Variants in NRXN1 observed in about 807,000 individuals in gnomAD.
The protein encoded by NRXN1 is neurexin 1, also known as neurexin-1.
A neutral mutation model predicts 150.9 loss-of-function variants in NRXN1; 39 were observed. That is an observed-to-expected ratio of 0.26 (90% confidence interval 0.20 to 0.34). NRXN1 has a LOEUF of 0.34. Among genes scored for constraint, NRXN1 ranks in the 10% least tolerant of loss-of-function variants. NRXN1 has a pLI of 1.00. For missense variants in NRXN1, 1,815 were observed against 1,949.9 expected (o/e 0.93, Z 1.30); for synonymous variants, 924 against 757.0 (o/e 1.22, Z -3.62).
rs374420794 is a variant in NRXN1, at chr2:50,884,017, A to G, written c.832+37852T>C. On this transcript the variant is annotated intron_variant, in intron 5 of 22. Coordinates refer to ENST00000401669, the MANE Select transcript of NRXN1 (RefSeq NM_001330078.2). ...CACATGTGTGCACTGAGTTTGTGAA[A>G]ATTCATTTATCTGTATTCTTAGTAT... Among the ~76,000 whole-genome samples the G allele has an allele frequency of 3.0e-4, 45 of 151,934 alleles. No homozygotes were observed. In the South Asian group the frequency reaches 9.1e-3, roughly 31 times the overall value.
In NRXN1 at chr2:50,091,433, G is replaced by A. The variant is rs756194214; in HGVS notation, c.3608C>T (p.Ser1203Phe). ...TTTCCCATCATTAATGATTGCATTGGATTCTTCAATGGCGATGTCATCTGT... is the reference window on the plus strand; with the variant it reads ...TTTCCCATCATTAATGATTGCATTGAATTCTTCAATGGCGATGTCATCTGT... ...VGTDDIAIEE[S>F]NAIINDGKYH... Residue 1203 changes from serine (S) to phenylalanine (F), a missense_variant, in exon 19 of 23, where the codon TCC (serine) becomes TTC (phenylalanine). Physicochemically the swap from Ser to Phe is radical, Grantham distance 155. Coordinates refer to ENST00000401669, the MANE Select transcript of NRXN1 (RefSeq NM_001330078.2). 6.2e-7 allele frequency: 1 copy of A among 1,614,080 alleles called. No individual in the cohort carries two copies. Among genetic ancestry groups the A allele is most frequent in the Non-Finnish European group, 8.5e-7 (1 of 1,179,922 alleles).
intron 17 of NRXN1, among the ~76,000 whole-genome samples, chr2:50,435,816 G>T (rs1311239375): frequency 6.6e-6 from 1 of 152,108 alleles, no homozygotes; most frequent in Non-Finnish European, 1.5e-5. Flanking sequence ...GTGGAGGGAA[G>T]GAGGAGGGTG....
intron 8 of NRXN1, among the ~76,000 whole-genome samples, chr2:50,591,551 G>A (rs1413506826): frequency 6.6e-6 from 1 of 152,138 alleles, no homozygotes; most frequent in African/African-American, 2.4e-5. Flanking sequence ...GAAGTTCTGA[G>A]TTATCTATTT....
intron 10 of NRXN1, among the ~76,000 whole-genome samples, chr2:50,536,705 C>T (rs189465197): frequency 1.3e-5 from 2 of 152,256 alleles, no homozygotes; most frequent in Admixed American, 6.5e-5. Flanking sequence ...TCATATTATG[C>T]GTAACTGTAT....
intron 13 of NRXN1, among the ~76,000 whole-genome samples, chr2:50,499,428 A>C (rs1008524243): frequency 6.6e-6 from 1 of 152,090 alleles, no homozygotes; most frequent in Non-Finnish European, 1.5e-5. Flanking sequence ...CTGATTGTCT[A>C]TCTGATGCAA....
intron 22 of NRXN1, among the ~76,000 whole-genome samples, chr2:49,939,564 C>T (rs770541505): frequency 1.4e-4 from 22 of 152,130 alleles, no homozygotes; most frequent in African/African-American, 2.2e-4. Context: ...CCATGTGTTC[C>T]CACCCAGGAT....
intron 5 of NRXN1, among the ~76,000 whole-genome samples, chr2:50,680,278 T>C (rs1401521946): frequency 6.6e-6 from 1 of 152,154 alleles, no homozygotes; most frequent in African/African-American, 2.4e-5. Context: ...AATAACACTG[T>C]TTCTTCTGAA....
At chr2:50,686,728 G>A (rs1574099162) in intron 5 of NRXN1, among the ~76,000 whole-genome samples, 1 of 152,150 alleles carries the variant, frequency 6.6e-6, no homozygotes. Context: ...GTACAATAGC[G>A]TTAAAGGTAA....
chr2:50,847,867 C>T (rs1354186813), intron 5 of NRXN1, among the ~76,000 whole-genome samples: 3 of 152,040 alleles, frequency 2.0e-5, no homozygotes, highest in Non-Finnish European at 4.4e-5. Context: ...TGCAAAGCGG[C>T]CTGACTCCAG....
chr2:50,397,586 A>G (rs2082130182), intron 17 of NRXN1, among the ~76,000 whole-genome samples: 1 of 152,104 alleles, frequency 6.6e-6, no homozygotes, highest in South Asian at 2.1e-4. Context: ...TTTCTTGACC[A>G]GGACACAAGC....
At chr2:50,560,996 G>GA (rs1303655124) in intron 8 of NRXN1, among the ~76,000 whole-genome samples, 2 of 152,014 alleles carry the variant, frequency 1.3e-5, no homozygotes, top group East Asian at 1.9e-4. Context: ...ATTGGAGAGG[G>GA]AAAAAACAAT....
chr2:50,866,414 C>A (rs1311555001), intron 5 of NRXN1, among the ~76,000 whole-genome samples: 1 of 151,866 alleles, frequency 6.6e-6, no homozygotes, highest in South Asian at 2.1e-4. Context: ...ATGCTGAAAT[C>A]ATTTTCTTGT....
At chr2:50,041,421 C>G (rs1690935928) in intron 21 of NRXN1, among the ~76,000 whole-genome samples, 1 of 152,194 alleles carries the variant, frequency 6.6e-6, no homozygotes, top group African/African-American at 2.4e-5. Flanking sequence ...CACAGCTTGT[C>G]TTGTAGCCCT....
At chr2:50,093,381 C>T (rs1222625744) in intron 18 of NRXN1, among the ~76,000 whole-genome samples, 1 of 150,448 alleles carries the variant, frequency 6.6e-6, no homozygotes, top group Non-Finnish European at 1.5e-5. Context: ...TTTGGGAGGC[C>T]AAGGTGAAGA....
rs186247277 is a variant in NRXN1, at chr2:50,677,595, T to C, written c.833-53980A>G. On this transcript the variant is annotated intron_variant, in intron 5 of 22. Coordinates refer to ENST00000401669, the MANE Select transcript of NRXN1 (RefSeq NM_001330078.2). ...TTTGTGGACCTTTCATTGAATTAAT[T>C]GATTTTTTTTTTACCTCAACTGGCT... is the stretch of plus-strand genomic sequence containing the variant. Among the ~76,000 whole-genome samples the C allele has an allele frequency of 3.3e-3, 506 of 152,252 alleles. 2 individuals are homozygous for C. The highest frequency in any genetic ancestry group is 8.5e-3 in the South Asian group (41 of 4,826).
At chr2:50,979,643 CTG>C (rs1215260323) in intron 2 of NRXN1, among the ~76,000 whole-genome samples, 3 of 152,126 alleles carry the variant, frequency 2.0e-5, no homozygotes, top group Middle Eastern at 3.2e-3. Flanking sequence ...AGGGCTTGCT[CTG>C]TGTCTCAGTT....
intron 17 of NRXN1, among the ~76,000 whole-genome samples, chr2:50,435,101 T>C (rs1261031868): frequency 3.3e-5 from 5 of 152,158 alleles, no homozygotes; most frequent in Non-Finnish European, 7.4e-5. Flanking sequence ...AAATACAATA[T>C]ATAAAAGCAT....
chr2:50,266,536 TACACACACAC>T (rs67570666), intron 17 of NRXN1, among the ~76,000 whole-genome samples: 5 of 112,796 alleles, frequency 4.4e-5, no homozygotes, highest in South Asian at 2.8e-4. Context: ...TGTATATAAA[TACACACACAC>T]ACACACACAC....
chr2:50,115,211 T>TGTATATA (rs1272366175), intron 18 of NRXN1, among the ~76,000 whole-genome samples: 6 of 102,984 alleles, frequency 5.8e-5, no homozygotes, highest in Admixed American at 3.5e-4. Context: ...CATATATATG[T>TGTATATA]TATGTGTATA....
Sources: gnomAD v4.1 joint callset for allele counts (sites outside exome capture counted in the v4.1 genomes callset) on GRCh38, gnomAD v4.1.1 for gene constraint, MANE v1.5 for transcripts, NCBI Gene and HGNC (gene_info 2026-07-23, HGNC 2026-07-21) for gene names.